CCDC138: variants seen among roughly 807,000 people sequenced by gnomAD.
CCDC138 encodes the protein coiled-coil domain containing 138, also known as coiled-coil domain-containing protein 138.
Under a neutral mutation model 82.3 loss-of-function variants are expected in CCDC138, and 66 were observed. That is an observed-to-expected ratio of 0.80 (90% CI 0.66 to 0.98). CCDC138 has a LOEUF of 0.98. Among genes scored for constraint, CCDC138 ranks in the 50% least tolerant of loss-of-function variants. The pLI, the probability that CCDC138 is intolerant of heterozygous loss-of-function variation, is 0.00. For missense variants in CCDC138, 816 were observed against 758.9 expected, an observed-to-expected ratio of 1.08 and a Z score of -0.88; for synonymous variants, 297 against 265.4, an observed-to-expected ratio of 1.12 and a Z score of -1.16.
Position 108,812,822 on chromosome 2 carries a change from G to GAAGTACGAGTTTATGAC in CCDC138, c.939_955dup (p.Ile319SerfsTer5). ...TTCACGCATATATACTGTTGCAGAG[G>GAAGTACGAGTTTATGAC]AAGTACGAGTTTATGACAATACAGA... On this transcript the variant is annotated frameshift_variant, in exon 9 of 15. Transcript: ENST00000295124. LOFTEE classifies it high-confidence loss of function. The GAAGTACGAGTTTATGAC allele has an allele frequency of 6.2e-7, 1 of 1,612,850 alleles. No individual in the cohort carries two copies. Among genetic ancestry groups the GAAGTACGAGTTTATGAC allele is most frequent in the Non-Finnish European group, 8.5e-7 (1 of 1,179,144 alleles).
chr2:108,816,100 G>A lies in CCDC138; in HGVS notation c.1201G>A (p.Val401Ile). The part of the protein sequence containing the change: ...SQRNDIQEKC[V>I]KLLPLMTEQL... ...GAGAAATGATATTCAGGAGAAGTGT[G>A]TAAAGGTTTGTTTTTTAATTTGAAA... The change falls in exon 10 of 15, where the codon GTA (valine) becomes ATA (isoleucine). Residue 401 changes from valine to isoleucine, a missense_variant. Transcript: ENST00000295124. 2 of 1,598,430 alleles carry A rather than the reference G, an allele frequency of 1.3e-6. No homozygotes were observed. Among genetic ancestry groups the A allele is most frequent in the Non-Finnish European group, 1.7e-6 (2 of 1,173,518 alleles).
intron 10 of CCDC138, among the ~76,000 whole-genome samples, chr2:108,834,384 A>G (rs1688244128): frequency 6.6e-6 from 1 of 151,766 alleles, no homozygotes; most frequent in Admixed American, 6.6e-5. Context: ...TAATTTTTGC[A>G]TTTTTAATAG....
At chr2:108,865,832 A>G (rs1421533065) in intron 13 of CCDC138, among the ~76,000 whole-genome samples, 2 of 152,148 alleles carry the variant, frequency 1.3e-5, no homozygotes, top group East Asian at 1.9e-4. Flanking sequence ...CGGGGTGGCT[A>G]TAGTGATCAA....
At chr2:108,849,441 C>T (rs1319839602) in intron 12 of CCDC138, among the ~76,000 whole-genome samples, 3 of 152,144 alleles carry the variant, frequency 2.0e-5, no homozygotes, top group Non-Finnish European at 4.4e-5. Context: ...TTCCTCCACA[C>T]CCTGGCCACT....
At chr2:108,791,652 G>A (rs375265158) in intron 3 of CCDC138, 23 bp from the exon 4 acceptor site, 398 of 1,598,716 alleles carry the variant, frequency 2.5e-4, no homozygotes, top group African/African-American at 1.8e-3. Flanking sequence ...CTAGATTGCT[G>A]TGATACAATT....
intron 10 of CCDC138, among the ~76,000 whole-genome samples, chr2:108,831,574 A>G (rs1217030222): frequency 1.3e-5 from 2 of 152,232 alleles, no homozygotes; most frequent in Non-Finnish European, 2.9e-5. Flanking sequence ...TGAAAGTCAG[A>G]TATCTAAGAG....
chr2:108,879,526 G>A (rs1285871752), downstream of CCDC138, among the ~76,000 whole-genome samples: 2 of 152,140 alleles, frequency 1.3e-5, no homozygotes, highest in Non-Finnish European at 1.5e-5. Context: ...AACTGCATAT[G>A]ACAGAAACAT....
At chr2:108,787,773 A>G (rs966650786) in intron 1 of CCDC138, among the ~76,000 whole-genome samples, 9 of 151,736 alleles carry the variant, frequency 5.9e-5, no homozygotes, top group African/African-American at 2.2e-4. Context: ...GGTTTATCTT[A>G]TAGATGCTTC....
chr2:108,840,607 G>T (rs371678666), intron 11 of CCDC138, among the ~76,000 whole-genome samples: 3 of 152,244 alleles, frequency 2.0e-5, no homozygotes, highest in African/African-American at 7.2e-5. Context: ...ATTTATGTGT[G>T]TAGAGTTTTT....
At chr2:108,812,039 A>C (rs1683948365) in intron 7 of CCDC138, among the ~76,000 whole-genome samples, 1 of 152,204 alleles carries the variant, frequency 6.6e-6, no homozygotes, top group African/African-American at 2.4e-5. Flanking sequence ...ATATAATAAA[A>C]AAATAATTGG....
chr2:108,823,586 T>C lies in CCDC138; in HGVS notation c.1206+7481T>C, dbSNP rs113792876. Among the ~76,000 whole-genome samples, 623 of 152,360 alleles carry C rather than the reference T, an allele frequency of 4.1e-3. 7 individuals are homozygous for C. The highest frequency in any genetic ancestry group is 0.015 in the African/African-American group (603 of 41,578). ...CCTAGGCTGTGATCCTGTACAGCAT[T>C]TGCTATGCAGAATATCTTAGGCAGT... On this transcript the variant is annotated intron_variant, in intron 10 of 14. Coordinates refer to ENST00000295124, the MANE Select transcript of CCDC138 (RefSeq NM_144978.3).
intron 7 of CCDC138, among the ~76,000 whole-genome samples, chr2:108,811,245 C>CTTTTTTTTTTTTTTTTTTTT (rs144518921): frequency 1.5e-4 from 16 of 109,610 alleles, no homozygotes; most frequent in African/African-American, 5.4e-4. Context: ...CTTTCTCTCT[C>CTTTTTTTTTTTTTTTTTTTT]TCTTTTTTTT....
intron 7 of CCDC138, among the ~76,000 whole-genome samples, chr2:108,805,405 G>A (rs1421357356): frequency 1.3e-5 from 2 of 152,012 alleles, no homozygotes; most frequent in Non-Finnish European, 2.9e-5. Flanking sequence ...TTATAAACTG[G>A]TATCACATTG....
chr2:108,803,163 A>G (rs1450358620), intron 6 of CCDC138, among the ~76,000 whole-genome samples: 2 of 152,196 alleles, frequency 1.3e-5, no homozygotes, highest in African/African-American at 2.4e-5. Context: ...GCCAAGACTT[A>G]GGTAATAGTT....
At chr2:108,835,588 G>A (rs1688441069) in intron 10 of CCDC138, among the ~76,000 whole-genome samples, 1 of 152,134 alleles carries the variant, frequency 6.6e-6, no homozygotes, top group South Asian at 2.1e-4. Context: ...CATATCACAA[G>A]ATTTGTAAAT....
intron 10 of CCDC138, among the ~76,000 whole-genome samples, chr2:108,820,046 A>G (rs1002562181): frequency 1.8e-4 from 27 of 152,232 alleles, no homozygotes; most frequent in Admixed American, 2.6e-4. Context: ...CAATATCTGA[A>G]CTATAAAAGT....
intron 4 of CCDC138, among the ~76,000 whole-genome samples, chr2:108,793,425 C>T (rs922567356): frequency 1.3e-4 from 20 of 152,194 alleles, no homozygotes; most frequent in African/African-American, 4.8e-4. Flanking sequence ...CAGTATAGTG[C>T]TGGCAAGGAT....
chr2:108,796,574 A>G (rs913188189), intron 5 of CCDC138, among the ~76,000 whole-genome samples: 3 of 152,210 alleles, frequency 2.0e-5, no homozygotes, highest in African/African-American at 7.2e-5. Flanking sequence ...ATATGGAGTC[A>G]GTCTCAGTGT....
intron 13 of CCDC138, among the ~76,000 whole-genome samples, chr2:108,870,735 A>G (rs1007971488): frequency 6.6e-6 from 1 of 152,238 alleles, no homozygotes; most frequent in South Asian, 2.1e-4. Flanking sequence ...ACAAAAGGAT[A>G]TATCTTCTAT....
Sources: allele counts gnomAD v4.1 joint callset (sites outside exome capture counted in the v4.1 genomes callset), GRCh38; gene constraint gnomAD v4.1.1; transcripts MANE v1.5; gene names NCBI Gene and HGNC (gene_info 2026-07-23, HGNC 2026-07-21).